Variants in ADGRB3 observed in about 807,000 individuals in gnomAD.
ADGRB3 encodes adhesion G protein-coupled receptor B3, also known as brain-specific angiogenesis inhibitor 3.
In ADGRB3, 37 loss-of-function variants were observed where a neutral mutation model predicts 193.4. The ratio of observed to expected loss-of-function variants is 0.19; its 90% CI spans 0.15 to 0.25. The LOEUF (loss-of-function observed/expected upper bound fraction) is 0.25, where lower values mean the gene tolerates loss of function less well. Among genes scored for constraint, ADGRB3 ranks in the 10% least tolerant of loss-of-function variants. The pLI is 1.00. For missense variants in ADGRB3, 1,637 were observed against 1,852.9 expected (o/e 0.88, Z 2.14); for synonymous variants, 690 against 644.2 (o/e 1.07, Z -1.08).
At chr6:68,890,776 C>A (rs936304195) in intron 3 of ADGRB3, among the ~76,000 whole-genome samples, 5 of 152,052 alleles carry the variant, frequency 3.3e-5, no homozygotes, top group African/African-American at 1.2e-4. Context: ...AGTATTGAAT[C>A]TCAAAGATGA....
intron 3 of ADGRB3, among the ~76,000 whole-genome samples, chr6:68,765,022 C>A (rs1215397303): frequency 6.6e-6 from 1 of 152,116 alleles, no homozygotes; most frequent in Non-Finnish European, 1.5e-5. Context: ...AGCATGTTGG[C>A]CTTCAATCCA....
At chr6:68,715,998 A>C (rs1765483562) in intron 3 of ADGRB3, among the ~76,000 whole-genome samples, 1 of 151,696 alleles carries the variant, frequency 6.6e-6, no homozygotes, top group African/African-American at 2.4e-5. Context: ...ACGTCAAAAA[A>C]ATGCCAAATA....
intron 8 of ADGRB3, among the ~76,000 whole-genome samples, chr6:68,970,500 A>G (rs1768527838): frequency 6.6e-6 from 1 of 151,964 alleles, no homozygotes; most frequent in Admixed American, 6.6e-5. Flanking sequence ...TATTTTTAGT[A>G]GAGATGGGGT....
chr6:69,316,774 T>A (rs894616778), intron 20 of ADGRB3, among the ~76,000 whole-genome samples: 1 of 151,520 alleles, frequency 6.6e-6, no homozygotes, highest in Non-Finnish European at 1.5e-5. Flanking sequence ...GAAGTTGAAG[T>A]GTGGCTTAAT....
intron 5 of ADGRB3, among the ~76,000 whole-genome samples, chr6:68,938,045 A>C (rs755861744): frequency 6.6e-6 from 1 of 152,092 alleles, no homozygotes. Context: ...TGGGAGGTTA[A>C]CAAAGCAGTA....
chr6:68,774,535 C>T (rs1766701661), intron 3 of ADGRB3, among the ~76,000 whole-genome samples: 1 of 151,928 alleles, frequency 6.6e-6, no homozygotes, highest in Non-Finnish European at 1.5e-5. Context: ...TTTGTAATTA[C>T]ACATATTTTC....
At chr6:69,380,543 T>C (rs1052680425) in intron 30 of ADGRB3, among the ~76,000 whole-genome samples, 1 of 151,870 alleles carries the variant, frequency 6.6e-6, no homozygotes, top group African/African-American at 2.4e-5. Context: ...AATTAAAAAT[T>C]GAGCTAGAAA....
intron 13 of ADGRB3, among the ~76,000 whole-genome samples, chr6:69,041,063 C>T (rs752266366): frequency 3.3e-5 from 5 of 151,626 alleles, no homozygotes; most frequent in African/African-American, 1.2e-4. Context: ...AGAACTCTCT[C>T]GGGCACTGTG....
intron 3 of ADGRB3, among the ~76,000 whole-genome samples, chr6:68,748,978 C>A (rs937362450): frequency 2.6e-5 from 4 of 152,210 alleles, no homozygotes; most frequent in Admixed American, 2.6e-4. Flanking sequence ...AGCCACAGCC[C>A]AAGCTGTACA....
intron 20 of ADGRB3, among the ~76,000 whole-genome samples, chr6:69,255,552 TG>T (rs1325709174): frequency 1.5e-3 from 230 of 152,304 alleles, no homozygotes; most frequent in African/African-American, 5.1e-3. Context: ...AGGGGTTGTT[TG>T]TTTTTTTCTT....
intron 24 of ADGRB3, among the ~76,000 whole-genome samples, chr6:69,338,417 T>G (rs1422492433): frequency 1.3e-5 from 2 of 152,192 alleles, no homozygotes; most frequent in Non-Finnish European, 2.9e-5. Context: ...AGAAAAAAAT[T>G]ACATCTTCAA....
chr6:69,161,354 A>T (rs1177190151), intron 17 of ADGRB3, among the ~76,000 whole-genome samples: 1 of 152,066 alleles, frequency 6.6e-6, no homozygotes. Flanking sequence ...TAGATGAGAG[A>T]ACAAAGATTT....
chr6:69,107,790 A>C (rs1178976076), intron 17 of ADGRB3, among the ~76,000 whole-genome samples: 1 of 152,204 alleles, frequency 6.6e-6, no homozygotes, highest in African/African-American at 2.4e-5. Context: ...TAACACAGGA[A>C]AAGAAAACCA....
rs116143592 is a variant in ADGRB3 at position 69,053,262 on chromosome 6, T to C, written c.2333+3916T>C. 3.3e-3 allele frequency among the ~76,000 whole-genome samples: 496 copies of C among 152,294 alleles called. 2 individuals carry two copies. Among genetic ancestry groups the C allele is most frequent in the African/African-American group, 0.012 (481 of 41,556 alleles). On this transcript the variant is annotated intron_variant, in intron 15 of 31. Coordinates refer to ENST00000370598, the MANE Select transcript of ADGRB3 (RefSeq NM_001704.3). ...TTAGTGTGAGCTAGAACTCTCATTT[T>C]ATAGATAAGAGAACTGAGATCCTTA...
At chr6:69,375,074 G>T (rs1332730404) in intron 30 of ADGRB3, among the ~76,000 whole-genome samples, 1 of 152,046 alleles carries the variant, frequency 6.6e-6, no homozygotes, top group African/African-American at 2.4e-5. Flanking sequence ...TACCTAAACA[G>T]GTGTCTATGG....
intron 10 of ADGRB3, among the ~76,000 whole-genome samples, chr6:68,977,501 A>G (rs1376913353): frequency 6.6e-6 from 1 of 152,162 alleles, no homozygotes; most frequent in Non-Finnish European, 1.5e-5. Context: ...TTTGTACTGC[A>G]ACATTTAAAT....
At chr6:68,997,158 A>G (rs1582381307) in intron 11 of ADGRB3, among the ~76,000 whole-genome samples, 2 of 152,246 alleles carry the variant, frequency 1.3e-5, no homozygotes, top group African/African-American at 4.8e-5. Context: ...CAGACAGAAT[A>G]GCTTATATTA....
rs368472196 is a variant in ADGRB3 at position 69,018,425 on chromosome 6, T to C, written c.2033T>C (p.Ile678Thr). ...GGGTCAATAGAGTTAATGCAGGTGA[T>C]TGAAGATTTTATACACATTGTTGGA... ...YPGSIELMQVIEDFIHIVGMG... is the reference protein window; with the variant it reads ...YPGSIELMQVTEDFIHIVGMG... The change falls in exon 13 of 32, where the codon ATT (isoleucine) becomes ACT (threonine). Residue 678 changes from isoleucine (I) to threonine (T), a missense_variant. By Grantham distance (89) the Ile-to-Thr change is moderately conservative. Around this residue, in one of 7 missense-constraint regions of ADGRB3, gnomAD observed 641 missense variants for 673.9 expected, o/e 0.95. Transcript: ENST00000370598. The C allele has an allele frequency of 1.9e-6, 3 of 1,608,706 alleles. No homozygotes were observed. Among genetic ancestry groups the C allele is most frequent in the Non-Finnish European group, 2.6e-6 (3 of 1,176,052 alleles).
At chr6:68,792,566 G>T (rs536157694) in intron 3 of ADGRB3, among the ~76,000 whole-genome samples, 2 of 152,232 alleles carry the variant, frequency 1.3e-5, no homozygotes, top group South Asian at 2.1e-4. Flanking sequence ...GTTGGTATTT[G>T]TGTTGTCCTG....
Sources: allele counts gnomAD v4.1 joint callset (sites outside exome capture counted in the v4.1 genomes callset), GRCh38; gene constraint gnomAD v4.1.1; regional missense constraint gnomAD v4.1.1; transcripts MANE v1.5; gene names NCBI Gene and HGNC (gene_info 2026-07-23, HGNC 2026-07-21).